Variants in MBD2 observed in about 807,000 individuals in gnomAD.
MBD2 encodes the protein methyl-CpG-binding domain protein 2.
A neutral mutation model predicts 39.3 loss-of-function variants in MBD2; 9 were observed. That is an observed-to-expected ratio of 0.23 (90% CI 0.14 to 0.40). The LOEUF is 0.40. Ranked by LOEUF, MBD2 falls within the 10% of genes least tolerant of loss-of-function variation. The probability of loss-of-function intolerance (pLI) is 1.00; values close to 1 mark genes in which losing one functional copy is unlikely to be tolerated. For missense variants in MBD2, 458 were observed against 532.6 expected, an observed-to-expected ratio of 0.86 and a Z score of 1.38; for synonymous variants, 233 against 211.1, an observed-to-expected ratio of 1.10 and a Z score of -0.90.
chr18:54,156,038 G>A (rs1255607385), intron 6 of MBD2, among the ~76,000 whole-genome samples: 2 of 152,142 alleles, frequency 1.3e-5, no homozygotes, highest in Non-Finnish European at 2.9e-5. Flanking sequence ...GAGGCATGAT[G>A]AGGCTGGCCG....
At chr18:54,196,907 C>G (rs1325789853) in intron 2 of MBD2, among the ~76,000 whole-genome samples, 1 of 152,202 alleles carries the variant, frequency 6.6e-6, no homozygotes, top group Non-Finnish European at 1.5e-5. Flanking sequence ...TCCTAGCAAT[C>G]GCTATCCAAT....
chr18:54,195,005 G>A (rs2086354091), intron 2 of MBD2, among the ~76,000 whole-genome samples: 1 of 152,036 alleles, frequency 6.6e-6, no homozygotes, highest in African/African-American at 2.4e-5. Flanking sequence ...ATGCTGTTCT[G>A]TAAAATGGGA....
chr18:54,182,907 G>A (rs556186782), intron 3 of MBD2, among the ~76,000 whole-genome samples: 13 of 151,886 alleles, frequency 8.6e-5, no homozygotes, highest in Non-Finnish European at 1.8e-4. Context: ...ACTCCAGCCT[G>A]GGTAGCTAAG....
chr18:54,216,645 A>G (rs1236646457), intron 1 of MBD2, among the ~76,000 whole-genome samples: 1 of 152,336 alleles, frequency 6.6e-6, no homozygotes, highest in South Asian at 2.1e-4. Context: ...AAGGCTTTTT[A>G]AAAGAGATGA....
At position 54,152,355 on chromosome 18, in the gene MBD2, C is replaced by G. The variant is rs976145149; in HGVS notation, c.*2969G>C. The stretch of plus-strand genomic sequence containing the variant: ...AGAGGTTTTTCTTGAGCTGAAGGTG[C>G]AGTGAGGAATAGTGGCAGCATGAGG... On this transcript the variant is annotated 3_prime_UTR_variant, in exon 7 of 7. Transcript: ENST00000256429. 3 of 152,254 alleles carry G rather than the reference C, an allele frequency of 2.0e-5. No individual in the cohort carries two copies. Among genetic ancestry groups the G allele is most frequent in the Admixed American group, 6.5e-5 (1 of 15,280 alleles). 9.4% of individuals were successfully genotyped at this position (152,254 alleles called of 1,614,324 possible). A position where few individuals can be genotyped will look rare whatever the true frequency, so the allele number is the denominator to read the frequency against.
intron 5 of MBD2, chr18:54,160,252 AG>A: frequency 5.1e-6 from 1 of 196,864 alleles, no homozygotes; most frequent in East Asian, 1.3e-4. Context: ...CAGGAATAAA[AG>A]ATGGAGGGAA....
chr18:54,157,518 C>T (rs537034914), intron 6 of MBD2, among the ~76,000 whole-genome samples: 2 of 152,284 alleles, frequency 1.3e-5, no homozygotes, highest in South Asian at 2.1e-4. Flanking sequence ...ACCTCAGCCT[C>T]CCAAAGTGCT....
chr18:54,211,949 G>A (rs1159117993), intron 1 of MBD2, among the ~76,000 whole-genome samples: 1 of 151,466 alleles, frequency 6.6e-6, no homozygotes, highest in African/African-American at 2.4e-5. Flanking sequence ...TCCGTCTCCT[G>A]CCTTCAAGCG....
intron 1 of MBD2, among the ~76,000 whole-genome samples, chr18:54,221,776 AT>A (rs2086615382): frequency 6.6e-6 from 1 of 152,260 alleles, no homozygotes; most frequent in African/African-American, 2.4e-5. Flanking sequence ...CTCAAAAAAA[AT>A]AAAATAAATT....
chr18:54,162,679 T>A (rs541079013), intron 5 of MBD2, among the ~76,000 whole-genome samples: 1 of 152,336 alleles, frequency 6.6e-6, no homozygotes, highest in South Asian at 2.1e-4. Context: ...CATCCCAAGA[T>A]GGAAAAGAAC....
intron 1 of MBD2, among the ~76,000 whole-genome samples, chr18:54,215,175 T>C (rs2086546684): frequency 1.3e-5 from 2 of 152,190 alleles, no homozygotes; most frequent in African/African-American, 4.8e-5. Flanking sequence ...CATTGTTTAT[T>C]CTAAACCAGG....
intron 2 of MBD2, chr18:54,202,899 T>C (rs768386925): frequency 7.9e-6 from 9 of 1,144,264 alleles, no homozygotes; most frequent in African/African-American, 7.6e-5. Flanking sequence ...GGAAGCATTA[T>C]GGAGGAAAGG....
chr18:54,169,252 C>T (rs2086161258), intron 3 of MBD2, among the ~76,000 whole-genome samples: 1 of 152,160 alleles, frequency 6.6e-6, no homozygotes, highest in Non-Finnish European at 1.5e-5. Context: ...AGGAATGGCC[C>T]AATGTGCACT....
At chr18:54,223,700 A>T (rs2086633870) in intron 1 of MBD2, among the ~76,000 whole-genome samples, 1 of 152,204 alleles carries the variant, frequency 6.6e-6, no homozygotes, top group African/African-American at 2.4e-5. Flanking sequence ...ACTGGGTTTT[A>T]TAGTTTCGAT....
chr18:54,205,296 G>A (rs2086439833), intron 1 of MBD2, 139 bp from the exon 2 acceptor site: 7 of 799,992 alleles, frequency 8.8e-6, no homozygotes, highest in Non-Finnish European at 1.3e-5. Context: ...GTTTTGCTAG[G>A]CGCGATGGCT....
chr18:54,162,731 C>T (rs952998718), intron 5 of MBD2, among the ~76,000 whole-genome samples: 1 of 152,166 alleles, frequency 6.6e-6, no homozygotes, highest in African/African-American at 2.4e-5. Context: ...TAAGAACAAT[C>T]CAATGAGCAA....
rs144939949 is a variant in MBD2, at chr18:54,170,826, T to A, written c.841-4660A>T. On this transcript the variant is annotated intron_variant, in intron 3 of 6. Coordinates refer to ENST00000256429, the MANE Select transcript of MBD2 (RefSeq NM_003927.5). The stretch of plus-strand genomic sequence containing the variant: ...AGGAAGAGGTAGCCCTTGAAAATTG[T>A]GTAAGAATTCTATAAGCATGTAGAA... Among the ~76,000 whole-genome samples, 349 of 152,236 alleles carry A rather than the reference T, an allele frequency of 2.3e-3. 3 individuals carry two copies. Among genetic ancestry groups the A allele is most frequent in the East Asian group, 0.012 (64 of 5,182 alleles).
intron 2 of MBD2, among the ~76,000 whole-genome samples, chr18:54,195,425 G>C (rs1233924345): frequency 2.6e-5 from 4 of 151,934 alleles, no homozygotes. Flanking sequence ...ACAATTCCAA[G>C]TATTATTCAA....
chr18:54,155,944 G>C (rs1338402115), intron 6 of MBD2, among the ~76,000 whole-genome samples: 6 of 152,036 alleles, frequency 3.9e-5, no homozygotes, highest in Non-Finnish European at 1.5e-5. Context: ...AAGTAACACA[G>C]TAAATTGCGG....
Sources: gnomAD v4.1 joint callset for allele counts (sites outside exome capture counted in the v4.1 genomes callset) on GRCh38, gnomAD v4.1.1 for gene constraint, MANE v1.5 for transcripts, NCBI Gene and HGNC (gene_info 2026-07-23, HGNC 2026-07-21) for gene names.